ACOXL: variants seen among roughly 807,000 people sequenced by gnomAD.
ACOXL encodes the protein acyl-coenzyme A oxidase-like protein.
A neutral mutation model predicts 71.9 loss-of-function variants in ACOXL; 70 were observed. The ratio of observed to expected loss-of-function variants is 0.97; its 90% CI spans 0.80 to 1.19. The LOEUF is 1.19. ACOXL is among the 50% of genes most tolerant of loss of function. The pLI is 0.00. For synonymous variants in ACOXL, 253 were observed against 281.6 expected (o/e 0.90, Z 1.02); for missense variants, 703 against 736.3 (o/e 0.95, Z 0.52).
Position 110,946,545 on chromosome 2 carries a change from T to C in ACOXL, c.1059+12903T>C, listed in dbSNP as rs188174553. On this transcript the variant is annotated intron_variant, in intron 12 of 17. Coordinates refer to ENST00000439055, the MANE Select transcript of ACOXL (RefSeq NM_001142807.4). ...TTAAACCCAGAGACTATGTCCAAAC[T>C]CATGCTCCAAACCATTTTGCCATAT... Among the ~76,000 whole-genome samples the C allele has an allele frequency of 2.0e-5, 3 of 152,298 alleles. No homozygotes were observed. The East Asian group carries it at 5.8e-4, about 29-fold the overall frequency.
chr2:111,069,498 C>T (rs1246474471), intron 16 of ACOXL, among the ~76,000 whole-genome samples: 1 of 152,156 alleles, frequency 6.6e-6, no homozygotes, highest in Non-Finnish European at 1.5e-5. Flanking sequence ...AGGGCCTCAC[C>T]CTAACAGCCT....
intron 1 of ACOXL, 49 bp downstream of exon 1, chr2:110,732,823 G>C (rs1018331084): frequency 2.0e-5 from 3 of 152,338 alleles, no homozygotes; most frequent in Non-Finnish European, 4.4e-5. Context: ...AAGCCGCCGA[G>C]CGTGTCCCCT....
chr2:110,787,272 C>T (rs752632180), intron 3 of ACOXL, among the ~76,000 whole-genome samples: 1 of 152,214 alleles, frequency 6.6e-6, no homozygotes, highest in African/African-American at 2.4e-5. Flanking sequence ...CGGTGACTCA[C>T]GCTTGTAATC....
chr2:110,993,114 G>T (rs984831785), intron 13 of ACOXL, among the ~76,000 whole-genome samples: 4 of 152,248 alleles, frequency 2.6e-5, no homozygotes, highest in Admixed American at 6.5e-5. Flanking sequence ...TAGCATGAGC[G>T]TCATTAACTA....
intron 14 of ACOXL, among the ~76,000 whole-genome samples, chr2:111,000,463 A>G (rs762926311): frequency 1.3e-5 from 2 of 152,230 alleles, no homozygotes; most frequent in Admixed American, 6.5e-5. Flanking sequence ...TGAGCTCTTC[A>G]TATGGTCAAT....
At chr2:111,117,498 G>C in intron 17 of ACOXL, 118 bp from the exon 18 acceptor site, 1 of 1,083,074 alleles carries the variant, frequency 9.2e-7, no homozygotes. Flanking sequence ...GAATCCAAAG[G>C]GAAACTAGTT....
At chr2:110,837,146 C>T (rs1351548899) in intron 9 of ACOXL, among the ~76,000 whole-genome samples, 2 of 152,202 alleles carry the variant, frequency 1.3e-5, no homozygotes, top group Non-Finnish European at 2.9e-5. Flanking sequence ...TGGAGTGTGC[C>T]ACTGTCCCAG....
chr2:110,953,640 G>A (rs557372561), intron 12 of ACOXL, among the ~76,000 whole-genome samples: 3 of 152,006 alleles, frequency 2.0e-5, no homozygotes, highest in South Asian at 2.1e-4. Flanking sequence ...CAGTGTATTC[G>A]TCCATTTTTA....
At chr2:110,838,648 C>T (rs1015720593) in intron 9 of ACOXL, among the ~76,000 whole-genome samples, 3 of 152,202 alleles carry the variant, frequency 2.0e-5, no homozygotes, top group Non-Finnish European at 4.4e-5. Flanking sequence ...TCATTTGCCT[C>T]ATTGGTCTGT....
intron 11 of ACOXL, among the ~76,000 whole-genome samples, chr2:110,922,446 A>G (rs945995295): frequency 6.6e-5 from 10 of 152,188 alleles, no homozygotes; most frequent in African/African-American, 2.2e-4. Context: ...TACAGAGGCA[A>G]GACTGTGTAT....
chr2:110,851,811 G>A (rs1573834107), intron 10 of ACOXL, among the ~76,000 whole-genome samples: 2 of 152,168 alleles, frequency 1.3e-5, no homozygotes, highest in African/African-American at 2.4e-5. Context: ...TCTGGTCCGC[G>A]GGCCTCTCCC....
intron 14 of ACOXL, among the ~76,000 whole-genome samples, chr2:111,009,342 C>T (rs948159585): frequency 2.0e-5 from 3 of 151,814 alleles, no homozygotes; most frequent in African/African-American, 4.8e-5. Flanking sequence ...GGTGAAACCC[C>T]ACCTCTACTA....
At chr2:110,813,959 C>T (rs1452273318) in intron 9 of ACOXL, among the ~76,000 whole-genome samples, 2 of 152,156 alleles carry the variant, frequency 1.3e-5, no homozygotes, top group Non-Finnish European at 2.9e-5. Flanking sequence ...GGGCCTTACA[C>T]TCTGGTATTC....
chr2:110,892,411 G>A (rs1272689936), intron 10 of ACOXL, among the ~76,000 whole-genome samples: 2 of 152,162 alleles, frequency 1.3e-5, no homozygotes, highest in Non-Finnish European at 2.9e-5. Context: ...CAGCTGAGGG[G>A]ATTTCTCATT....
At chr2:110,851,774 T>C (rs997402162) in intron 10 of ACOXL, among the ~76,000 whole-genome samples, 35 of 152,222 alleles carry the variant, frequency 2.3e-4, no homozygotes, top group Non-Finnish European at 5.9e-5. Flanking sequence ...CTGAAGGCAT[T>C]GCTCATCTCA....
intron 10 of ACOXL, among the ~76,000 whole-genome samples, chr2:110,899,203 G>A (rs377132357): frequency 6.6e-6 from 1 of 152,220 alleles, no homozygotes; most frequent in African/African-American, 2.4e-5. Context: ...GGAGGCTTCA[G>A]CTCTTAAGCT....
intron 10 of ACOXL, among the ~76,000 whole-genome samples, chr2:110,843,441 T>G (rs954986753): frequency 1.3e-5 from 2 of 152,176 alleles, no homozygotes; most frequent in Admixed American, 6.5e-5. Context: ...CATGGGTCTC[T>G]CAGAACAAAT....
intron 13 of ACOXL, among the ~76,000 whole-genome samples, chr2:110,992,293 C>A (rs546994767): frequency 6.6e-6 from 1 of 152,252 alleles, no homozygotes; most frequent in African/African-American, 2.4e-5. Flanking sequence ...TACTTAAATC[C>A]CGAAACTTTA....
At chr2:110,962,860 C>G (rs889684743) in intron 12 of ACOXL, among the ~76,000 whole-genome samples, 1 of 152,202 alleles carries the variant, frequency 6.6e-6, no homozygotes, top group Admixed American at 6.5e-5. Context: ...TGGAAGCAGG[C>G]TTGGACGGGG....
Sources: allele counts gnomAD v4.1 joint callset (sites outside exome capture counted in the v4.1 genomes callset), GRCh38; gene constraint gnomAD v4.1.1; transcripts MANE v1.5; gene names NCBI Gene and HGNC (gene_info 2026-07-23, HGNC 2026-07-21).